Variants in NPAS3 observed in about 807,000 individuals in gnomAD.
The protein encoded by NPAS3 is neuronal PAS domain-containing protein 3.
Under a neutral mutation model 73.1 loss-of-function variants are expected in NPAS3, and 14 were observed. That is an observed-to-expected ratio of 0.19 (90% CI 0.13 to 0.30). The LOEUF is 0.30. Ranked by LOEUF, NPAS3 falls within the 10% of genes least tolerant of loss-of-function variation. NPAS3 has a pLI of 1.00. For missense variants in NPAS3, 1,096 were observed against 1,250.0 expected (o/e 0.88, Z 1.86); for synonymous variants, 620 against 541.5 (o/e 1.14, Z -2.01).
chr14:33,738,039 G>A (rs2061566044), intron 7 of NPAS3, among the ~76,000 whole-genome samples: 1 of 152,116 alleles, frequency 6.6e-6, no homozygotes. Flanking sequence ...GTCGTCATAG[G>A]AACAAAAGTA....
chr14:33,512,485 T>A (rs892609314), intron 4 of NPAS3, among the ~76,000 whole-genome samples: 3 of 152,048 alleles, frequency 2.0e-5, no homozygotes, highest in Non-Finnish European at 4.4e-5. Context: ...GATCAAAATA[T>A]CTTATAAATG....
At chr14:32,997,498 GT>G (rs2038627404) in intron 1 of NPAS3, among the ~76,000 whole-genome samples, 1 of 152,124 alleles carries the variant, frequency 6.6e-6, no homozygotes, top group Admixed American at 6.6e-5. Context: ...ATTGTTAGAG[GT>G]GATTGAATAA....
chr14:33,152,510 C>A (rs541856308), intron 2 of NPAS3, among the ~76,000 whole-genome samples: 1 of 152,062 alleles, frequency 6.6e-6, no homozygotes, highest in African/African-American at 2.4e-5. Context: ...ACTTTGACAG[C>A]GCACATTCTC....
downstream of NPAS3, chr14:33,802,670 T>C (rs959843516): frequency 1.3e-5 from 2 of 152,272 alleles, no homozygotes; most frequent in African/African-American, 4.8e-5. Flanking sequence ...TTGTCTTATC[T>C]GTGCTCTATC....
At chr14:33,780,565 G>A in intron 9 of NPAS3, 3 of 428,838 alleles carry the variant, frequency 7.0e-6, no homozygotes, top group South Asian at 3.4e-5. Context: ...AAAGAACTTT[G>A]TCTTCCTCAG....
intron 5 of NPAS3, among the ~76,000 whole-genome samples, chr14:33,614,065 C>G (rs1172557239): frequency 6.6e-6 from 1 of 152,164 alleles, no homozygotes; most frequent in Non-Finnish European, 1.5e-5. Flanking sequence ...TATGCAAGCT[C>G]TTTCTTAAAA....
chr14:33,364,368 AT>A (rs1363026576), intron 3 of NPAS3, among the ~76,000 whole-genome samples: 1 of 152,182 alleles, frequency 6.6e-6, no homozygotes, highest in Non-Finnish European at 1.5e-5. Context: ...TAAGAAGTAC[AT>A]TTTTAACATC....
intron 2 of NPAS3, among the ~76,000 whole-genome samples, chr14:33,056,622 T>C (rs2040898951): frequency 6.6e-6 from 1 of 152,210 alleles, no homozygotes; most frequent in Non-Finnish European, 1.5e-5. Context: ...GTTGTTACTA[T>C]CACTGAAGTA....
At chr14:33,141,747 T>C (rs2044053168) in intron 2 of NPAS3, among the ~76,000 whole-genome samples, 1 of 152,200 alleles carries the variant, frequency 6.6e-6, no homozygotes. Flanking sequence ...TTTGCGTACA[T>C]TTTGTATGAA....
chr14:33,512,803 C>G (rs954822176), intron 4 of NPAS3, among the ~76,000 whole-genome samples: 15 of 152,026 alleles, frequency 9.9e-5, no homozygotes, highest in Non-Finnish European at 1.5e-5. Context: ...TGGAACCAAC[C>G]TTAAAGAACA....
intron 1 of NPAS3, among the ~76,000 whole-genome samples, chr14:32,942,631 C>G (rs975420895): frequency 1.3e-5 from 2 of 152,140 alleles, no homozygotes; most frequent in Non-Finnish European, 2.9e-5. Flanking sequence ...ATGTGATATG[C>G]CCATGCTGAT....
intron 4 of NPAS3, among the ~76,000 whole-genome samples, chr14:33,406,574 C>G (rs959187052): frequency 6.6e-6 from 1 of 152,124 alleles, no homozygotes; most frequent in Non-Finnish European, 1.5e-5. Flanking sequence ...TTCAGCCATT[C>G]ATTCATGCCT....
At chr14:32,954,190 G>T (rs2036589082) in intron 1 of NPAS3, among the ~76,000 whole-genome samples, 1 of 152,164 alleles carries the variant, frequency 6.6e-6, no homozygotes, top group South Asian at 2.1e-4. Flanking sequence ...ATGTGATGGA[G>T]TACACCAGGT....
intron 4 of NPAS3, among the ~76,000 whole-genome samples, chr14:33,404,309 T>A (rs2138796025): frequency 6.6e-6 from 1 of 152,214 alleles, no homozygotes; most frequent in Non-Finnish European, 1.5e-5. Context: ...ATTTTAATGT[T>A]GAGTCATTAC....
chr14:33,046,855 G>T (rs2040526690), intron 1 of NPAS3, among the ~76,000 whole-genome samples: 1 of 152,064 alleles, frequency 6.6e-6, no homozygotes, highest in Admixed American at 6.6e-5. Context: ...ACATGGCTGT[G>T]ATCTCAGCTA....
At chr14:33,443,821 T>C (rs57162567) in intron 4 of NPAS3, among the ~76,000 whole-genome samples, 20,004 of 152,206 alleles carry the variant, frequency 0.13, 1,640 homozygotes, top group African/African-American at 0.23. Flanking sequence ...CTGAGTTTTA[T>C]CTCTGGTCAC....
At chr14:33,129,972 G>C (rs1219745281) in intron 2 of NPAS3, among the ~76,000 whole-genome samples, 2 of 152,046 alleles carry the variant, frequency 1.3e-5, no homozygotes, top group African/African-American at 2.4e-5. Context: ...GTTTAGCATG[G>C]CTCCCTAATA....
intron 7 of NPAS3, among the ~76,000 whole-genome samples, chr14:33,764,544 T>C (rs1335459351): frequency 2.0e-5 from 3 of 151,972 alleles, no homozygotes; most frequent in Non-Finnish European, 2.9e-5. Flanking sequence ...GTAGGGGGAG[T>C]AGGGAAGCAG....
chr14:32,977,380 A>C (rs140007991), intron 1 of NPAS3, among the ~76,000 whole-genome samples: 16 of 150,930 alleles, frequency 1.1e-4, no homozygotes, highest in African/African-American at 3.9e-4. Flanking sequence ...ACACACACAC[A>C]CCCCTAATCT....
Sources: gnomAD v4.1 joint callset for allele counts (sites outside exome capture counted in the v4.1 genomes callset) on GRCh38, gnomAD v4.1.1 for gene constraint, MANE v1.5 for transcripts, NCBI Gene and HGNC (gene_info 2026-07-23, HGNC 2026-07-21) for gene names.